Variants in ASB3 observed in about 807,000 individuals in gnomAD.
ASB3 encodes ankyrin repeat and SOCS box protein 3.
Under a neutral mutation model 54.5 loss-of-function variants are expected in ASB3, and 41 were observed. The ratio of observed to expected loss-of-function variants is 0.75; its 90% confidence interval spans 0.59 to 0.98. ASB3 has a LOEUF of 0.98. ASB3 is among the 50% of genes least tolerant of loss of function. The pLI is 0.00. For synonymous variants in ASB3, 266 were observed against 221.2 expected (o/e 1.20, Z -1.80); for missense variants, 733 against 620.0 (o/e 1.18, Z -1.94).
chr2:53,733,459 T>TA (rs1249988532), intron 3 of ASB3, among the ~76,000 whole-genome samples: 1 of 143,868 alleles, frequency 7.0e-6, no homozygotes, highest in African/African-American at 2.7e-5. Context: ...TTTTTTTTTT[T>TA]AAGATGGATT....
chr2:53,709,965 G>C (rs972210310), intron 7 of ASB3, among the ~76,000 whole-genome samples: 3 of 152,174 alleles, frequency 2.0e-5, no homozygotes, highest in African/African-American at 7.2e-5. Flanking sequence ...CTTTTATAGA[G>C]AGAAACCGAG....
chr2:53,756,040 T>A (rs1215299500), intron 2 of ASB3, among the ~76,000 whole-genome samples: 4 of 151,254 alleles, frequency 2.6e-5, no homozygotes, highest in African/African-American at 9.7e-5. Flanking sequence ...ATGGCATATG[T>A]CTGCGGTCCC....
chr2:53,685,092 T>A (rs868412777), intron 9 of ASB3, among the ~76,000 whole-genome samples: 2 of 152,232 alleles, frequency 1.3e-5, no homozygotes, highest in Admixed American at 1.3e-4. Context: ...AGCCCTTATA[T>A]GCCTTGCTAG....
intron 3 of ASB3, 44 bp from the exon 4 acceptor site, chr2:53,729,614 T>C (rs762570538): frequency 3.8e-5 from 60 of 1,561,684 alleles, no homozygotes; most frequent in East Asian, 2.9e-4. Context: ...CAAAAAGGCA[T>C]GTTTGTAGGA....
chr2:53,741,443 T>C (rs1671929650), intron 3 of ASB3, among the ~76,000 whole-genome samples: 1 of 152,240 alleles, frequency 6.6e-6, no homozygotes, highest in South Asian at 2.1e-4. Flanking sequence ...CTAAGCACAC[T>C]TTATTTTAGC....
intron 3 of ASB3, among the ~76,000 whole-genome samples, chr2:53,743,496 G>A (rs1442563200): frequency 6.6e-6 from 1 of 152,098 alleles, no homozygotes; most frequent in Non-Finnish European, 1.5e-5. Flanking sequence ...CATTTAAGAT[G>A]CCAGAACAAA....
At position 53,721,124 on chromosome 2, in the gene ASB3, A is replaced by G. The variant is rs528932565; in HGVS notation, c.605-4381T>C. On this transcript the variant is annotated intron_variant, in intron 5 of 9. Transcript: ENST00000263634. ...AGAGCAAGACCCTGTCTCCAGAAAT[A>G]TAAATAAATAAATAAATAAATAAAT... Among the ~76,000 whole-genome samples, 4 of 52,938 alleles carry G rather than the reference A, an allele frequency of 7.6e-5. 1 individual carries two copies. The South Asian group carries it at 2.1e-3, about 28-fold the overall frequency. 34.7% of individuals were successfully genotyped at this position (52,938 alleles called of 152,430 possible).
intron 7 of ASB3, among the ~76,000 whole-genome samples, chr2:53,712,201 C>G (rs1206380360): frequency 2.7e-5 from 4 of 149,748 alleles, no homozygotes; most frequent in Non-Finnish European, 5.9e-5. Context: ...TTCCATGAGT[C>G]TCTATAAAAA....
chr2:53,681,636 T>C (rs922042707), intron 9 of ASB3, among the ~76,000 whole-genome samples: 3 of 152,192 alleles, frequency 2.0e-5, no homozygotes, highest in Non-Finnish European at 4.4e-5. Context: ...CAATGTATGT[T>C]CTTGGCACCT....
chr2:53,704,548 G>T (rs1334367056), intron 7 of ASB3, among the ~76,000 whole-genome samples: 1 of 151,964 alleles, frequency 6.6e-6, no homozygotes, highest in Non-Finnish European at 1.5e-5. Flanking sequence ...ATATTTTTCA[G>T]CTTCAATTTT....
At chr2:53,672,720 G>C (rs566694987) in intron 9 of ASB3, among the ~76,000 whole-genome samples, 26 of 152,234 alleles carry the variant, frequency 1.7e-4, no homozygotes, top group African/African-American at 6.3e-4. Flanking sequence ...ATATAAATAA[G>C]GACACAGTTT....
chr2:53,723,386 A>C (rs1181170984), intron 5 of ASB3, among the ~76,000 whole-genome samples: 1 of 152,006 alleles, frequency 6.6e-6, no homozygotes, highest in Non-Finnish European at 1.5e-5. Flanking sequence ...TGGTTACATG[A>C]GAAAGTTCTT....
At chr2:53,748,618 C>A (rs1356008496) in intron 3 of ASB3, among the ~76,000 whole-genome samples, 1 of 152,122 alleles carries the variant, frequency 6.6e-6, no homozygotes, top group Admixed American at 6.5e-5. Context: ...CTGCCAGAAA[C>A]ACAAACCCTG....
At chr2:53,739,776 A>G (rs1671832129) in intron 3 of ASB3, among the ~76,000 whole-genome samples, 2 of 152,148 alleles carry the variant, frequency 1.3e-5, no homozygotes. Flanking sequence ...CCTGGGCTCA[A>G]GCGATGCTCC....
In ASB3 at chr2:53,765,493, CTTAAGACT is replaced by C. The variant is rs1673390009; in HGVS notation, c.72_79del (p.Val25GlufsTer13). 6.2e-7 allele frequency: 1 copy of C among 1,614,208 alleles called. No individual in the cohort carries two copies. Among genetic ancestry groups the C allele is most frequent in the African/African-American group, 1.3e-5 (1 of 75,054 alleles). ...ACTTCGGCCCTTTTTGAGCAGTTTC[CTTAAGACT>C]TTAACATTGCCTTCCCTGGCAGCAA... On this transcript the variant is annotated frameshift_variant, in exon 2 of 10. Transcript: ENST00000263634. LOFTEE classifies it high-confidence loss of function.
rs576835531 is a variant in ASB3 at position 53,676,036 on chromosome 2, A to G, written c.1370-5346T>C. Among the ~76,000 whole-genome samples the G allele has an allele frequency of 2.0e-5, 3 of 152,324 alleles. No homozygotes were observed. The East Asian group carries it at 5.8e-4, about 29-fold the overall frequency. ...ATAGCTATTTATCACCAAGAAAGAA[A>G]AAGCTCAAGAAAATTGGAAAAGCTG... On this transcript the variant is annotated intron_variant, in intron 9 of 9. Coordinates refer to ENST00000263634, the MANE Select transcript of ASB3 (RefSeq NM_016115.5).
chr2:53,700,400 G>A lies in ASB3; in HGVS notation c.1109C>T (p.Ser370Leu). The change falls in exon 8 of 10, where the codon TCA (serine) becomes TTA (leucine). Residue 370 changes from serine (S) to leucine (L), a missense_variant. By Grantham distance (145) the Ser-to-Leu change is moderately radical (BLOSUM62 -2). Transcript: ENST00000263634. ...IFRYFLRKGC[S>L]LGPWNHIYEF... Reference sequence around the variant, plus strand: ...ATATATATGGTTCCATGGTCCCAATGAGCAACCTTTCCTCAAAAAGTAGCG... The same window carrying A: ...ATATATATGGTTCCATGGTCCCAATAAGCAACCTTTCCTCAAAAAGTAGCG... 5.0e-6 allele frequency: 8 copies of A among 1,614,046 alleles called. No individual in the cohort carries two copies. The highest frequency in any genetic ancestry group is 5.1e-6 in the Non-Finnish European group (6 of 1,179,996).
Position 53,729,239 on chromosome 2 carries a change from T to C in ASB3, c.468+219A>G, listed in dbSNP as rs117209128. Among the ~76,000 whole-genome samples the C allele has an allele frequency of 9.2e-4, 140 of 152,276 alleles. 2 individuals carry two copies. In the East Asian group the frequency reaches 0.026, roughly 28 times the overall value. ...GGTTTCTTAAATATGCCATCTACATTTTTAAAATGTAGATAATCCCTATAG... is the reference window on the plus strand; with the variant it reads ...GGTTTCTTAAATATGCCATCTACATCTTTAAAATGTAGATAATCCCTATAG... On this transcript the variant is annotated intron_variant, in intron 4 of 9. Transcript: ENST00000263634.
intron 9 of ASB3, among the ~76,000 whole-genome samples, chr2:53,677,281 G>A (rs1047855910): frequency 6.6e-5 from 10 of 152,050 alleles, no homozygotes; most frequent in African/African-American, 1.7e-4. Flanking sequence ...TGACAAAATC[G>A]CCTAACAAAG....
Sources: allele counts gnomAD v4.1 joint callset (sites outside exome capture counted in the v4.1 genomes callset), GRCh38; gene constraint gnomAD v4.1.1; transcripts MANE v1.5; gene names NCBI Gene and HGNC (gene_info 2026-07-23, HGNC 2026-07-21).